LAMA3: variants seen among roughly 807,000 people sequenced by gnomAD.
LAMA3 encodes laminin subunit alpha-3.
LAMA3 carries 281 observed loss-of-function variants against 402.0 expected under a neutral mutation model. The ratio of observed to expected loss-of-function variants is 0.70; its 90% CI spans 0.63 to 0.77. The LOEUF is 0.77. Among genes scored for constraint, LAMA3 ranks in the 30% least tolerant of loss-of-function variants. The pLI, the probability that LAMA3 is intolerant of heterozygous loss-of-function variation, is 0.00. For missense variants in LAMA3, 3,840 were observed against 4,215.5 expected, an observed-to-expected ratio of 0.91 and a Z score of 2.47; for synonymous variants, 1,431 against 1,558.4, an observed-to-expected ratio of 0.92 and a Z score of 1.93.
At chr18:23,701,429 AT>A (rs2145847377) in intron 1 of LAMA3, among the ~76,000 whole-genome samples, 2 of 152,324 alleles carry the variant, frequency 1.3e-5, no homozygotes, top group East Asian at 1.9e-4. Context: ...GCGAGTCTAG[AT>A]TTCATTAGAC....
At chr18:23,814,764 T>C (rs1262743231) in intron 15 of LAMA3, among the ~76,000 whole-genome samples, 1 of 152,248 alleles carries the variant, frequency 6.6e-6, no homozygotes, top group African/African-American at 2.4e-5. Context: ...TATGTCCTTG[T>C]TTTTATAATT....
At chr18:23,860,702 T>C (rs1429634812) in intron 34 of LAMA3, among the ~76,000 whole-genome samples, 1 of 150,880 alleles carries the variant, frequency 6.6e-6, no homozygotes, top group Non-Finnish European at 1.5e-5. Context: ...GATTTTTTTT[T>C]TTTTTTTTTA....
chr18:23,756,198 C>A (rs1057032268), intron 6 of LAMA3, among the ~76,000 whole-genome samples: 1 of 152,172 alleles, frequency 6.6e-6, no homozygotes. Context: ...AGGGATGACA[C>A]CCTCTCTTGG....
rs1026638700 is a variant in LAMA3, at chr18:23,955,023, G to C, written c.*375G>C. ...ATATGAAACTTTCATATATGTTAAA[G>C]GATTATAATTTATGGAATTAAAAAA... On this transcript the variant is annotated 3_prime_UTR_variant, in exon 75 of 75. Coordinates refer to ENST00000313654, the MANE Select transcript of LAMA3 (RefSeq NM_198129.4). 11 of 262,304 alleles carry C rather than the reference G, an allele frequency of 4.2e-5. No individual in the cohort carries two copies. The highest frequency in any genetic ancestry group is 1.1e-4 in the African/African-American group (5 of 43,678). 16.2% of individuals were successfully genotyped at this position (262,304 alleles called of 1,614,324 possible).
chr18:23,772,755 T>C (rs915976229), intron 8 of LAMA3, among the ~76,000 whole-genome samples: 6 of 152,268 alleles, frequency 3.9e-5, no homozygotes, highest in African/African-American at 1.4e-4. Flanking sequence ...TAACTTCTTA[T>C]TGCCTTTCTT....
rs34590975 is a variant in LAMA3 at position 23,904,008 on chromosome 18, T to G, written c.6394T>G (p.Ser2132Ala). 174 of 1,614,130 alleles carry G rather than the reference T, an allele frequency of 1.1e-4. 1 individual carries two copies. In the African/African-American group the frequency reaches 2.2e-3, roughly 20 times the overall value. ...TGACAAAGTAAGAGAACTTTCCAGA[T>G]CTGCTGGCAAAACATCCCTTGTGGA... Reference protein sequence around the residue: ...LSDKVRELSRSAGKTSLVEEA... With the variant: ...LSDKVRELSRAAGKTSLVEEA... Residue 2132 changes from serine to alanine, a missense_variant, in exon 50 of 75, where the codon TCT becomes GCT. Ser to Ala is a moderately conservative substitution (Grantham distance 99). Around this residue, in one of 3 missense-constraint regions of LAMA3, gnomAD observed 891 missense variants for 857.5 expected, o/e 1.04. Transcript: ENST00000313654.
chr18:23,710,947 G>A (rs560075867), intron 1 of LAMA3, among the ~76,000 whole-genome samples: 3 of 152,062 alleles, frequency 2.0e-5, no homozygotes, highest in Admixed American at 1.3e-4. Context: ...TTTAACTTAA[G>A]CTTGTGGACT....
intron 62 of LAMA3, 120 bp from the exon 63 acceptor site, chr18:23,928,003 T>C: frequency 1.3e-6 from 1 of 787,392 alleles, no homozygotes; most frequent in Non-Finnish European, 2.3e-6. Flanking sequence ...TGGGAAAGGA[T>C]AAACATAAAA....
intron 35 of LAMA3, 84 bp from the exon 36 acceptor site, chr18:23,864,701 G>A (rs998453120): frequency 3.4e-6 from 3 of 870,010 alleles, no homozygotes; most frequent in Non-Finnish European, 5.8e-6. Context: ...CACACCTTGT[G>A]TGCCTAAGTG....
At chr18:23,695,833 A>AAAAAAAAAG (rs2060676036) in intron 1 of LAMA3, among the ~76,000 whole-genome samples, 1 of 129,428 alleles carries the variant, frequency 7.7e-6, no homozygotes, top group African/African-American at 2.7e-5. Flanking sequence ...AAAAAAAAAA[A>AAAAAAAAAG]AAAGAAATAT....
rs763242243 is a variant in LAMA3, at chr18:23,773,562, A to T, written c.1248A>T (p.Pro416=). 1.3e-6 allele frequency: 2 copies of T among 1,593,670 alleles called. No homozygotes were observed. Among genetic ancestry groups the T allele is most frequent in the Non-Finnish European group, 1.7e-6 (2 of 1,167,402 alleles). ...GCTATTACCGCCCTTATGGGGTTCC[A>T]GTGGATGCCCCTGATGGCTGCATCC... ...AKGYYRPYGV[P]VDAPDGCIPC... is the part of the protein sequence containing the mutation. The change falls in exon 9 of 75, where the codon CCA becomes CCT. Residue 416 remains proline (P), a synonymous_variant. Coordinates refer to ENST00000313654, the MANE Select transcript of LAMA3 (RefSeq NM_198129.4).
chr18:23,894,906 G>A lies in LAMA3; in HGVS notation c.5462-1G>A. The A allele has an allele frequency of 1.2e-6, 2 of 1,614,164 alleles. No homozygotes were observed. Among genetic ancestry groups the A allele is most frequent in the South Asian group, 2.2e-5 (2 of 91,086 alleles). ...TTTGCCTTTGATTGTGGCCCCTACA[G>A]ATTGCGACAGCTGTGTGATGACCCT... is the stretch of plus-strand genomic sequence containing the variant. On this transcript the variant is annotated splice_acceptor_variant, in intron 43 of 74. Transcript: ENST00000313654. LOFTEE classifies it high-confidence loss of function.
At chr18:23,858,872 A>T (rs750305720) in intron 34 of LAMA3, 43 bp downstream of exon 34, 4 of 1,596,554 alleles carry the variant, frequency 2.5e-6, no homozygotes, top group Non-Finnish European at 3.4e-6. Flanking sequence ...TTGTACATGG[A>T]TTTGTTAAAT....
At chr18:23,721,122 A>G (rs575283151) in intron 2 of LAMA3, among the ~76,000 whole-genome samples, 1 of 152,158 alleles carries the variant, frequency 6.6e-6, no homozygotes, top group African/African-American at 2.4e-5. Flanking sequence ...AGCACCAGTG[A>G]ACTCCAGCCT....
chr18:23,867,009 A>G (rs1216780113), intron 36 of LAMA3, among the ~76,000 whole-genome samples: 1 of 152,202 alleles, frequency 6.6e-6, no homozygotes, highest in East Asian at 1.9e-4. Flanking sequence ...CCCTGTTAAG[A>G]TGCACATGTG....
At chr18:23,758,722 G>C (rs2061905653) in intron 7 of LAMA3, among the ~76,000 whole-genome samples, 1 of 152,252 alleles carries the variant, frequency 6.6e-6, no homozygotes, top group African/African-American at 2.4e-5. Flanking sequence ...GAACAATAAT[G>C]ATGATGACCA....
At chr18:23,754,106 T>C (rs2061800728) in intron 6 of LAMA3, among the ~76,000 whole-genome samples, 1 of 152,178 alleles carries the variant, frequency 6.6e-6, no homozygotes, top group South Asian at 2.1e-4. Context: ...TGATTAGAGC[T>C]GGCAAGAGAA....
At chr18:23,908,171 CA>C (rs1177810785) in intron 54 of LAMA3, among the ~76,000 whole-genome samples, 1 of 152,040 alleles carries the variant, frequency 6.6e-6, no homozygotes, top group East Asian at 1.9e-4. Flanking sequence ...TGCTTTTTTA[CA>C]AAGTGGAGAT....
intron 11 of LAMA3, among the ~76,000 whole-genome samples, chr18:23,781,463 A>G (rs1442750294): frequency 1.3e-5 from 2 of 152,232 alleles, no homozygotes; most frequent in Admixed American, 1.3e-4. Flanking sequence ...ATACAAATGT[A>G]TGTAATATTT....
Sources: allele counts gnomAD v4.1 joint callset (sites outside exome capture counted in the v4.1 genomes callset), GRCh38; gene constraint gnomAD v4.1.1; regional missense constraint gnomAD v4.1.1; transcripts MANE v1.5; gene names NCBI Gene and HGNC (gene_info 2026-07-23, HGNC 2026-07-21).